The following OR1J2 variants were observed in gnomAD, a reference collection of about 807,000 sequenced individuals.
The protein encoded by OR1J2 is olfactory receptor 1J2.
For synonymous variants in OR1J2, 142 were observed against 99.7 expected (o/e 1.42, Z -2.52); for missense variants, 304 against 246.1 (o/e 1.24, Z -1.57).
the OR1J2 span, among the ~76,000 whole-genome samples, chr9:122,532,239 C>T: frequency 6.6e-6 from 1 of 152,050 alleles, no homozygotes; most frequent in South Asian, 2.1e-4. Flanking sequence ...AGTAGAATAG[C>T]AGATGGAACA....
chr9:122,503,580 G>A, the OR1J2 span, among the ~76,000 whole-genome samples: 1 of 152,164 alleles, frequency 6.6e-6, no homozygotes, highest in African/African-American at 2.4e-5. Flanking sequence ...TTTTTGTTCA[G>A]TGTCTTCTCT....
downstream of OR1J2, among the ~76,000 whole-genome samples, chr9:122,514,424 A>G (rs1338824184): frequency 6.6e-6 from 1 of 152,228 alleles, no homozygotes; most frequent in Non-Finnish European, 1.5e-5. Flanking sequence ...GATGGCCTCC[A>G]GTTACATCCA....
At chr9:122,451,294 T>C in the OR1J2 span, among the ~76,000 whole-genome samples, 2 of 151,970 alleles carry the variant, frequency 1.3e-5, no homozygotes, top group African/African-American at 4.8e-5. Context: ...CAAGTGATTC[T>C]CCTGCCTCGG....
the OR1J2 span, among the ~76,000 whole-genome samples, chr9:122,555,076 A>C: frequency 1.3e-5 from 2 of 152,180 alleles, no homozygotes; most frequent in Admixed American, 1.3e-4. Flanking sequence ...TTATAGCTAC[A>C]TGTTTTGAAA....
chr9:122,450,685 C>T, the OR1J2 span, among the ~76,000 whole-genome samples: 1 of 152,124 alleles, frequency 6.6e-6, no homozygotes, highest in Non-Finnish European at 1.5e-5. Flanking sequence ...CAACAAATCC[C>T]GGAACCAGTC....
chr9:122,541,760 G>A, the OR1J2 span, among the ~76,000 whole-genome samples: 1 of 152,206 alleles, frequency 6.6e-6, no homozygotes, highest in Non-Finnish European at 1.5e-5. Flanking sequence ...GTGCTTCCCA[G>A]CCAGATCACC....
upstream of OR1J2, among the ~76,000 whole-genome samples, chr9:122,510,369 C>T (rs1828608744): frequency 1.3e-5 from 2 of 152,102 alleles, no homozygotes; most frequent in South Asian, 2.1e-4. Context: ...GTTTTGTTAT[C>T]GAACCAAGAA....
the OR1J2 span, among the ~76,000 whole-genome samples, chr9:122,498,952 T>C: frequency 6.6e-6 from 1 of 152,240 alleles, no homozygotes; most frequent in Non-Finnish European, 1.5e-5. Context: ...TATATTGGGC[T>C]GTGCAGTTCA....
chr9:122,547,802 A>G, the OR1J2 span, among the ~76,000 whole-genome samples: 1 of 152,158 alleles, frequency 6.6e-6, no homozygotes, highest in African/African-American at 2.4e-5. Context: ...TCCTTTGAGT[A>G]TATACCTAGT....
the OR1J2 span, among the ~76,000 whole-genome samples, chr9:122,491,418 G>T: frequency 1.3e-5 from 2 of 151,704 alleles, no homozygotes; most frequent in African/African-American, 4.8e-5. Context: ...AGAAGAAGGA[G>T]GGGAGAGAAA....
the OR1J2 span, among the ~76,000 whole-genome samples, chr9:122,542,107 C>A: frequency 1.3e-5 from 2 of 152,152 alleles, no homozygotes; most frequent in African/African-American, 4.8e-5. Context: ...TATTTGGCTT[C>A]TTTAGCTCAA....
chr9:122,526,801 A>G, the OR1J2 span: 4 of 1,614,032 alleles, frequency 2.5e-6, no homozygotes, highest in Non-Finnish European at 3.4e-6. Context: ...ACACAGAAGG[A>G]CAACCGAGCC....
the OR1J2 span, among the ~76,000 whole-genome samples, chr9:122,522,304 C>T: frequency 6.6e-6 from 1 of 152,134 alleles, no homozygotes; most frequent in Non-Finnish European, 1.5e-5. Context: ...CAAAAGTTAA[C>T]ACTAATTCTT....
chr9:122,484,627 T>A, the OR1J2 span, among the ~76,000 whole-genome samples: 1 of 152,122 alleles, frequency 6.6e-6, no homozygotes, highest in Non-Finnish European at 1.5e-5. Context: ...ACAGAATCCA[T>A]GCTCTGAAAA....
chr9:122,534,016 A>G, the OR1J2 span, among the ~76,000 whole-genome samples: 1 of 152,204 alleles, frequency 6.6e-6, no homozygotes, highest in African/African-American at 2.4e-5. Context: ...AGTGGGGTCC[A>G]GCACAGATGG....
At chr9:122,448,915 T>A in the OR1J2 span, 1 of 151,040 alleles carries the variant, frequency 6.6e-6, no homozygotes, top group Non-Finnish European at 1.5e-5. Context: ...CTCTCTTTCT[T>A]TTCCATACAC....
chr9:122,567,819 A>G, the OR1J2 span: 10 of 1,614,102 alleles, frequency 6.2e-6, no homozygotes, highest in Non-Finnish European at 8.5e-6. Context: ...GAGGATTCGT[A>G]TATAAGAGAA....
the OR1J2 span, among the ~76,000 whole-genome samples, chr9:122,558,688 G>A: frequency 0.58 from 87,795 of 151,292 alleles, 25,978 homozygotes; most frequent in East Asian, 0.97. Context: ...ATGGATATAT[G>A]TATAAATACA....
chr9:122,507,279 T>G (rs12342761), upstream of OR1J2, among the ~76,000 whole-genome samples: 1 of 152,102 alleles, frequency 6.6e-6, no homozygotes, highest in Non-Finnish European at 1.5e-5. Flanking sequence ...AGAATGGAGT[T>G]AAAAAGGGTC....
Sources: gnomAD v4.1 joint callset for allele counts (sites outside exome capture counted in the v4.1 genomes callset) on GRCh38, gnomAD v4.1.1 for gene constraint, MANE v1.5 for transcripts, NCBI Gene and HGNC (gene_info 2026-07-23, HGNC 2026-07-21) for gene names.